MTA3: variants seen among roughly 807,000 people sequenced by gnomAD.
MTA3 encodes metastasis-associated protein MTA3.
Under a neutral mutation model 83.5 loss-of-function variants are expected in MTA3, and 34 were observed. The observed-to-expected ratio is 0.41, with a 90% CI of 0.31 to 0.54. MTA3 has a LOEUF of 0.54. Among genes scored for constraint, MTA3 ranks in the 20% least tolerant of loss-of-function variants. The probability of loss-of-function intolerance (pLI) is 0.33; values close to 1 mark genes in which losing one functional copy is unlikely to be tolerated. For missense variants in MTA3, 761 were observed against 726.4 expected, an observed-to-expected ratio of 1.05 and a Z score of -0.55; for synonymous variants, 303 against 252.7, an observed-to-expected ratio of 1.20 and a Z score of -1.89.
chr2:42,531,904 C>T (rs900043928), intron 2 of MTA3, among the ~76,000 whole-genome samples: 19 of 151,670 alleles, frequency 1.3e-4, no homozygotes, highest in Admixed American at 2.6e-4. Context: ...CTACAGGTGC[C>T]TGCCACCACA....
At chr2:42,656,908 T>A (rs972243544) in intron 7 of MTA3, among the ~76,000 whole-genome samples, 1 of 152,214 alleles carries the variant, frequency 6.6e-6, no homozygotes, top group African/African-American at 2.4e-5. Flanking sequence ...GGCAATTGAA[T>A]GAATTAAAGC....
intron 4 of MTA3, among the ~76,000 whole-genome samples, chr2:42,626,323 A>G (rs964376108): frequency 2.0e-5 from 3 of 150,268 alleles, no homozygotes; most frequent in Non-Finnish European, 4.4e-5. Flanking sequence ...TTTGATTCGG[A>G]GTCTCACTCT....
chr2:42,656,739 C>T (rs756234662), intron 7 of MTA3, among the ~76,000 whole-genome samples: 1 of 152,222 alleles, frequency 6.6e-6, no homozygotes, highest in Non-Finnish European at 1.5e-5. Context: ...AGCTTTCAAC[C>T]TGGCTACCTG....
intron 8 of MTA3, among the ~76,000 whole-genome samples, chr2:42,669,179 G>A (rs568693249): frequency 6.6e-6 from 1 of 151,496 alleles, no homozygotes; most frequent in East Asian, 1.9e-4. Context: ...CCACCTTCTG[G>A]GTTCAAGCGA....
upstream of MTA3, among the ~76,000 whole-genome samples, chr2:42,566,577 G>C (rs112594626): frequency 9.2e-3 from 1,405 of 152,256 alleles, 16 homozygotes; most frequent in African/African-American, 0.029. Context: ...GGGGCTTCTG[G>C]ATGAGGCTGT....
upstream of MTA3, among the ~76,000 whole-genome samples, chr2:42,563,776 A>ATTCATTCCTTCC (rs1176581774): frequency 1.5e-4 from 17 of 114,462 alleles, no homozygotes; most frequent in East Asian, 2.5e-4. Context: ...TGGACCAAAC[A>ATTCATTCCTTCC]TTCCTTCCTT....
intron 3 of MTA3, among the ~76,000 whole-genome samples, chr2:42,607,761 G>A (rs1486679178): frequency 6.6e-6 from 1 of 152,130 alleles, no homozygotes; most frequent in Non-Finnish European, 1.5e-5. Flanking sequence ...GATCAGCCTG[G>A]GCAACATGAT....
intron 4 of MTA3, among the ~76,000 whole-genome samples, chr2:42,635,630 A>C (rs74678685): frequency 1.4e-5 from 2 of 144,668 alleles, no homozygotes; most frequent in Non-Finnish European, 3.1e-5. Flanking sequence ...ACTCTATCTC[A>C]AAAAAAAAAG....
intron 9 of MTA3, among the ~76,000 whole-genome samples, chr2:42,695,416 C>T (rs1008482620): frequency 6.6e-6 from 1 of 151,734 alleles, no homozygotes; most frequent in East Asian, 1.9e-4. Flanking sequence ...GGGCAGATCA[C>T]CTGAGGTTAG....
intron 4 of MTA3, 138 bp from the exon 5 acceptor site, chr2:42,640,035 A>C (rs1687566489): frequency 1.6e-6 from 1 of 614,258 alleles, no homozygotes; most frequent in African/African-American, 1.9e-5. Context: ...AGTGGGTCTA[A>C]ATGGTTTGAA....
chr2:42,665,118 G>A (rs1030980431), intron 8 of MTA3, among the ~76,000 whole-genome samples: 1 of 152,152 alleles, frequency 6.6e-6, no homozygotes, highest in African/African-American at 2.4e-5. Context: ...AAGAATATAG[G>A]GCTGGGCAGT....
intron 16 of MTA3, among the ~76,000 whole-genome samples, chr2:42,749,266 A>G (rs998317540): frequency 1.3e-5 from 2 of 152,170 alleles, no homozygotes; most frequent in African/African-American, 4.8e-5. Flanking sequence ...TCAGCCTAGT[A>G]GACTGTAGCT....
rs1670175027 is a variant in MTA3, at chr2:42,755,413, C to T, written c.*2014C>T. ...GACAGGAGTCAGGCCAGGTCTGAAGCAGGAGAAGGGAGGCCCCTCCTATCT... is the reference window on the plus strand; with the variant it reads ...GACAGGAGTCAGGCCAGGTCTGAAGTAGGAGAAGGGAGGCCCCTCCTATCT... On this transcript the variant is annotated 3_prime_UTR_variant, in exon 17 of 17. Coordinates refer to ENST00000405094, the MANE Select transcript of MTA3 (RefSeq NM_001330442.2). The T allele has an allele frequency of 3.0e-6, 3 of 985,470 alleles. No homozygotes were observed. The highest frequency in any genetic ancestry group is 3.6e-6 in the Non-Finnish European group (3 of 829,966). 61.0% of individuals were successfully genotyped at this position (985,470 alleles called of 1,614,324 possible).
intron 14 of MTA3, among the ~76,000 whole-genome samples, chr2:42,711,077 A>AAAAT (rs142504560): frequency 0.13 from 19,318 of 151,740 alleles, 1,552 homozygotes; most frequent in Middle Eastern, 0.22. Context: ...TCCGCATTAA[A>AAAAT]AAATAAATAA....
intron 15 of MTA3, 117 bp from the exon 16 acceptor site, chr2:42,722,772 A>T: frequency 8.2e-7 from 1 of 1,214,270 alleles, no homozygotes; most frequent in Non-Finnish European, 1.1e-6. Flanking sequence ...TGGCTGGCTC[A>T]GGAGGAACTG....
chr2:42,579,970 C>G (rs1679438545), intron 3 of MTA3, among the ~76,000 whole-genome samples: 1 of 151,856 alleles, frequency 6.6e-6, no homozygotes, highest in Non-Finnish European at 1.5e-5. Context: ...GGGACTAGGT[C>G]TTGCTCTGTT....
intron 2 of MTA3, among the ~76,000 whole-genome samples, chr2:42,521,010 T>C (rs1572915509): frequency 6.6e-6 from 1 of 152,176 alleles, no homozygotes; most frequent in African/African-American, 2.4e-5. Context: ...GCATCACATC[T>C]CTGGGGCTTC....
rs1179120067 is a variant in MTA3, at chr2:42,549,444, CATATAAT to C, written c.-140-20988_-140-20982del. Among the ~76,000 whole-genome samples, 6 of 41,722 alleles carry C rather than the reference CATATAAT, an allele frequency of 1.4e-4. No homozygotes were observed. The South Asian group carries it at 4.0e-3, about 28-fold the overall frequency. 27.4% of individuals were successfully genotyped at this position (41,722 alleles called of 152,430 possible). ...ATATAATATATAATATATACGTATA[CATATAAT>C]ATATTATATATACATATTATATATT... On this transcript the variant is annotated intron_variant, in intron 2 of 17. Transcript: ENST00000405592.
intron 2 of MTA3, among the ~76,000 whole-genome samples, chr2:42,562,642 C>T (rs1293061872): frequency 1.3e-5 from 2 of 152,184 alleles, no homozygotes; most frequent in Admixed American, 6.5e-5. Flanking sequence ...ATCTCCTGAA[C>T]CTGACCTGCC....
Sources: allele counts gnomAD v4.1 joint callset (sites outside exome capture counted in the v4.1 genomes callset), GRCh38; gene constraint gnomAD v4.1.1; transcripts MANE v1.5; gene names NCBI Gene and HGNC (gene_info 2026-07-23, HGNC 2026-07-21).